Variants in THRB observed in about 807,000 individuals in gnomAD.
THRB encodes nuclear receptor subfamily 1 group A member 2.
Under a neutral mutation model 47.8 loss-of-function variants are expected in THRB, and 12 were observed. The ratio of observed to expected loss-of-function variants is 0.25; its 90% CI spans 0.16 to 0.41. The LOEUF is 0.41. THRB is among the 10% of genes least tolerant of loss of function. The pLI is 1.00. For missense variants in THRB, 348 were observed against 589.2 expected (o/e 0.59, Z 4.24); for synonymous variants, 218 against 212.2 (o/e 1.03, Z -0.24).
At chr3:24,487,344 GCACA>G (rs61358157) in intron 1 of THRB, among the ~76,000 whole-genome samples, 4,736 of 146,342 alleles carry the variant, frequency 0.032, 208 homozygotes, top group African/African-American at 0.1. Context: ...AGACACACAA[GCACA>G]CACACACACA....
intron 3 of THRB, among the ~76,000 whole-genome samples, chr3:24,254,622 A>G (rs1274242400): frequency 6.6e-6 from 1 of 152,198 alleles, no homozygotes; most frequent in African/African-American, 2.4e-5. Context: ...GCATTTAATA[A>G]AACACTCAAT....
At chr3:24,286,438 T>G (rs1046829597) in intron 3 of THRB, among the ~76,000 whole-genome samples, 12 of 152,202 alleles carry the variant, frequency 7.9e-5, no homozygotes, top group African/African-American at 2.2e-4. Context: ...CGTTCAACCC[T>G]GTCACCATCA....
chr3:24,189,820 G>T (rs1676159134), intron 5 of THRB, among the ~76,000 whole-genome samples: 1 of 152,200 alleles, frequency 6.6e-6, no homozygotes, highest in Non-Finnish European at 1.5e-5. Flanking sequence ...ACTAATTAGA[G>T]AAGTAAAAAT....
chr3:24,261,485 G>A (rs1378317027), intron 3 of THRB, among the ~76,000 whole-genome samples: 2 of 123,612 alleles, frequency 1.6e-5, no homozygotes, highest in African/African-American at 3.1e-5. Flanking sequence ...ACAACAGAGC[G>A]CGATTCTGTC....
chr3:24,251,528 G>A (rs2050668380), intron 3 of THRB, among the ~76,000 whole-genome samples: 1 of 152,046 alleles, frequency 6.6e-6, no homozygotes, highest in African/African-American at 2.4e-5. Flanking sequence ...GTATACTGAG[G>A]ATTAGAATAA....
chr3:24,141,655 C>G (rs1235418202), intron 8 of THRB, among the ~76,000 whole-genome samples: 4 of 152,194 alleles, frequency 2.6e-5, no homozygotes, highest in Non-Finnish European at 5.9e-5. Flanking sequence ...GAAAGAAGCA[C>G]CTTATGACTA....
chr3:24,469,802 G>A (rs1295315498), intron 1 of THRB, among the ~76,000 whole-genome samples: 5 of 152,156 alleles, frequency 3.3e-5, no homozygotes, highest in Admixed American at 6.5e-5. Context: ...ATGGAAAACC[G>A]TTTGGGTAAC....
intron 2 of THRB, among the ~76,000 whole-genome samples, chr3:24,303,642 A>G (rs1355932318): frequency 6.6e-6 from 1 of 152,218 alleles, no homozygotes; most frequent in Non-Finnish European, 1.5e-5. Flanking sequence ...TAGTTATGCA[A>G]CATTACTGGG....
At chr3:24,248,154 C>G (rs60855424) in intron 3 of THRB, among the ~76,000 whole-genome samples, 20,249 of 151,902 alleles carry the variant, frequency 0.13, 1,561 homozygotes, top group African/African-American at 0.2. Flanking sequence ...GGATATTATT[C>G]CTATTACTTT....
At chr3:24,431,098 T>C (rs1240573188) in intron 1 of THRB, 1 of 152,004 alleles carries the variant, frequency 6.6e-6, no homozygotes, top group East Asian at 1.9e-4. Context: ...TCAGTGTGGG[T>C]GAGATCTAAC....
At chr3:24,156,137 G>A (rs1344824152) in intron 5 of THRB, among the ~76,000 whole-genome samples, 3 of 152,190 alleles carry the variant, frequency 2.0e-5, no homozygotes, top group Non-Finnish European at 1.5e-5. Flanking sequence ...ATATCTTACA[G>A]TTAATGCTAT....
At chr3:24,212,566 C>T (rs1308739220) in intron 4 of THRB, among the ~76,000 whole-genome samples, 5 of 108,492 alleles carry the variant, frequency 4.6e-5, no homozygotes, top group Non-Finnish European at 5.2e-5. Flanking sequence ...TGACAAAGAA[C>T]GACTCCGTCT....
chr3:24,162,527 T>C (rs1450395833), intron 5 of THRB, among the ~76,000 whole-genome samples: 2 of 152,172 alleles, frequency 1.3e-5, no homozygotes, highest in Admixed American at 6.5e-5. Context: ...ACATTCTGCA[T>C]TTTAGGCCTC....
At chr3:24,266,902 A>T (rs1455479830) in intron 3 of THRB, among the ~76,000 whole-genome samples, 2 of 152,084 alleles carry the variant, frequency 1.3e-5, no homozygotes, top group Non-Finnish European at 2.9e-5. Flanking sequence ...AAAGGAGGAC[A>T]GGACGAGGAA....
At chr3:24,163,733 A>G (rs571778449) in intron 5 of THRB, among the ~76,000 whole-genome samples, 7 of 152,282 alleles carry the variant, frequency 4.6e-5, no homozygotes, top group African/African-American at 1.4e-4. Context: ...GCAAAACTCT[A>G]TATTTATAAA....
At chr3:24,469,253 C>T (rs529798072) in intron 1 of THRB, among the ~76,000 whole-genome samples, 11 of 152,186 alleles carry the variant, frequency 7.2e-5, no homozygotes, top group Non-Finnish European at 1.6e-4. Context: ...CAGCTGGATC[C>T]GTCTTGGATT....
chr3:24,425,029 AATTT>A (rs1313398673), intron 1 of THRB, among the ~76,000 whole-genome samples: 4 of 152,026 alleles, frequency 2.6e-5, no homozygotes, highest in South Asian at 4.1e-4. Context: ...AATATGCCAT[AATTT>A]ATTTAATCCA....
chr3:24,306,173 G>A (rs905361262), intron 2 of THRB, among the ~76,000 whole-genome samples: 6 of 152,194 alleles, frequency 3.9e-5, no homozygotes, highest in Admixed American at 2.6e-4. Context: ...CCCGGGGTTT[G>A]CTTTGGCATG....
At chr3:24,154,406 A>T (rs2037483807) in intron 5 of THRB, among the ~76,000 whole-genome samples, 1 of 152,234 alleles carries the variant, frequency 6.6e-6, no homozygotes, top group African/African-American at 2.4e-5. Flanking sequence ...AATGAGTAAG[A>T]CATGGTTTCT....
Sources: gnomAD v4.1 joint callset for allele counts (sites outside exome capture counted in the v4.1 genomes callset) on GRCh38, gnomAD v4.1.1 for gene constraint, MANE v1.5 for transcripts, NCBI Gene and HGNC (gene_info 2026-07-23, HGNC 2026-07-21) for gene names.